Variants in NBEA observed in about 807,000 individuals in gnomAD.
NBEA encodes the protein lysosomal-trafficking regulator 2.
NBEA carries 44 observed loss-of-function variants against 343.4 expected under a neutral mutation model. The ratio of observed to expected loss-of-function variants is 0.13; its 90% CI spans 0.10 to 0.16. The LOEUF is 0.16. Among genes scored for constraint, NBEA ranks in the 10% least tolerant of loss-of-function variants. NBEA has a pLI of 1.00. For synonymous variants in NBEA, 1,175 were observed against 1,238.7 expected, an observed-to-expected ratio of 0.95 and a Z score of 1.08; for missense variants, 2,555 against 3,631.3, an observed-to-expected ratio of 0.70 and a Z score of 7.62.
intron 38 of NBEA, among the ~76,000 whole-genome samples, chr13:35,355,063 A>G (rs1190010591): frequency 2.0e-5 from 3 of 152,120 alleles, no homozygotes; most frequent in Non-Finnish European, 4.4e-5. Flanking sequence ...CTGTTTACAC[A>G]TCCCACATTG....
At chr13:35,587,867 C>T (rs2081356831) in intron 46 of NBEA, among the ~76,000 whole-genome samples, 1 of 152,180 alleles carries the variant, frequency 6.6e-6, no homozygotes, top group Non-Finnish European at 1.5e-5. Context: ...TTATCCTACA[C>T]ATGCCCTTGT....
intron 34 of NBEA, among the ~76,000 whole-genome samples, chr13:35,285,208 T>C (rs915212101): frequency 2.0e-5 from 3 of 152,162 alleles, no homozygotes; most frequent in Admixed American, 1.3e-4. Context: ...GGTGGATGGA[T>C]TGCTTGAGCT....
chr13:35,173,401 CTT>C, intron 26 of NBEA, 61 bp from the exon 27 acceptor site: 1 of 1,405,602 alleles, frequency 7.1e-7, no homozygotes, highest in Non-Finnish European at 9.5e-7. Context: ...AAACTTGCAA[CTT>C]TTTCCAGGAT....
chr13:35,371,214 T>C (rs2041412959), intron 38 of NBEA, among the ~76,000 whole-genome samples: 2 of 152,138 alleles, frequency 1.3e-5, no homozygotes, highest in African/African-American at 4.8e-5. Flanking sequence ...TTCTGTCTCT[T>C]TTGTTTTCCT....
At chr13:35,387,244 T>A (rs569525856) in intron 38 of NBEA, among the ~76,000 whole-genome samples, 14 of 152,246 alleles carry the variant, frequency 9.2e-5, no homozygotes, top group African/African-American at 3.4e-4. Context: ...ATTACAAAAT[T>A]ATAGATGTGC....
intron 39 of NBEA, among the ~76,000 whole-genome samples, chr13:35,444,823 A>G (rs532501114): frequency 7.2e-5 from 11 of 152,240 alleles, no homozygotes; most frequent in African/African-American, 2.2e-4. Context: ...GTACATGTCA[A>G]ATACATTGGT....
At chr13:34,952,787 C>CTT (rs149775269) in intron 1 of NBEA, among the ~76,000 whole-genome samples, 11,935 of 152,000 alleles carry the variant, frequency 0.079, 562 homozygotes, top group African/African-American at 0.11. Context: ...AGAAAAATAA[C>CTT]GCAGCAGATT....
At chr13:35,336,075 A>G (rs653114) in intron 36 of NBEA, among the ~76,000 whole-genome samples, 23,760 of 152,066 alleles carry the variant, frequency 0.16, 2,078 homozygotes, top group East Asian at 0.23. Flanking sequence ...GGAAATCTCT[A>G]TTCAATTATT....
chr13:35,627,365 C>G (rs941503435), intron 48 of NBEA, among the ~76,000 whole-genome samples: 1 of 152,168 alleles, frequency 6.6e-6, no homozygotes, highest in Non-Finnish European at 1.5e-5. Flanking sequence ...TTTCACGGAC[C>G]TGAGCAAGAC....
At chr13:35,041,507 C>G (rs1445492723) in intron 2 of NBEA, among the ~76,000 whole-genome samples, 1 of 151,864 alleles carries the variant, frequency 6.6e-6, no homozygotes, top group Non-Finnish European at 1.5e-5. Context: ...ATAGGTATTA[C>G]AGTTCTGTAT....
Position 35,124,998 on chromosome 13 carries a change from T to G in NBEA, c.2336+1424T>G, listed in dbSNP as rs540710796. Reference sequence around the variant, plus strand: ...GATTGTAGCCCAAGATGCAGCCTCCTAAAAATGTCAAGAAAGCACATTAAA... The same window carrying G: ...GATTGTAGCCCAAGATGCAGCCTCCGAAAAATGTCAAGAAAGCACATTAAA... On this transcript the variant is annotated intron_variant, in intron 17 of 58. Coordinates refer to ENST00000379939, the MANE Select transcript of NBEA (RefSeq NM_001385012.1). 7.2e-5 allele frequency among the ~76,000 whole-genome samples: 11 copies of G among 152,206 alleles called. No individual in the cohort carries two copies. The South Asian group carries it at 2.3e-3, about 32-fold the overall frequency.
rs554734202 is a variant in NBEA at position 35,024,395 on chromosome 13, G to A, written c.295-16538G>A. On this transcript the variant is annotated intron_variant, in intron 1 of 58. Transcript: ENST00000379939. ...TGGGTCAGAGGGTAATTTTGGGCCC[G>A]GCGTGGTGGCTCATGCCTGTAATCT... 7.6e-4 allele frequency among the ~76,000 whole-genome samples: 115 copies of A among 152,192 alleles called. 2 individuals carry two copies. The highest frequency in any genetic ancestry group is 6.8e-3 in the Middle Eastern group (2 of 294).
chr13:35,539,173 A>G (rs148342244), intron 41 of NBEA, among the ~76,000 whole-genome samples: 320 of 152,334 alleles, frequency 2.1e-3, no homozygotes, highest in Middle Eastern at 3.4e-3. Context: ...CAGTGAGTCA[A>G]TAGGTTAGTG....
At chr13:34,957,144 TC>T (rs1380132565) in intron 1 of NBEA, among the ~76,000 whole-genome samples, 2 of 152,184 alleles carry the variant, frequency 1.3e-5, no homozygotes, top group East Asian at 3.8e-4. Flanking sequence ...ATTCATTTTT[TC>T]CCTTGCATTT....
Position 35,368,983 on chromosome 13 carries a change from T to C in NBEA, c.6179+16660T>C, listed in dbSNP as rs145595464. Among the ~76,000 whole-genome samples the C allele has an allele frequency of 5.6e-4, 85 of 151,846 alleles. 1 individual carries two copies. Among genetic ancestry groups the C allele is most frequent in the African/African-American group, 1.9e-3 (80 of 41,530 alleles). ...CCAATTAACAAATACAACCAAACCA[T>C]CTAAGGCACACATCAGTGCTCCGAA... is the stretch of plus-strand genomic sequence containing the variant. On this transcript the variant is annotated intron_variant, in intron 38 of 58. Transcript: ENST00000379939.
intron 34 of NBEA, among the ~76,000 whole-genome samples, chr13:35,255,558 A>G (rs1053376602): frequency 6.6e-6 from 1 of 152,232 alleles, no homozygotes; most frequent in Non-Finnish European, 1.5e-5. Context: ...CGCTAGCTTC[A>G]TGCAGGCCTG....
intron 1 of NBEA, among the ~76,000 whole-genome samples, chr13:35,006,272 AATT>A (rs1277891664): frequency 6.6e-6 from 1 of 151,994 alleles, no homozygotes; most frequent in Admixed American, 6.6e-5. Flanking sequence ...AACCTTAAAA[AATT>A]ATTATTTTGC....
chr13:35,536,949 G>A (rs991084646), intron 41 of NBEA, among the ~76,000 whole-genome samples: 17 of 152,164 alleles, frequency 1.1e-4, no homozygotes, highest in African/African-American at 4.1e-4. Flanking sequence ...ACTGGCCAGG[G>A]GGTCAGTGTG....
intron 48 of NBEA, among the ~76,000 whole-genome samples, chr13:35,621,664 G>C (rs2082997631): frequency 6.6e-6 from 1 of 152,116 alleles, no homozygotes; most frequent in African/African-American, 2.4e-5. Flanking sequence ...ATCAATATTT[G>C]CTGAGTGAAT....
Sources: allele counts gnomAD v4.1 joint callset (sites outside exome capture counted in the v4.1 genomes callset), GRCh38; gene constraint gnomAD v4.1.1; transcripts MANE v1.5; gene names NCBI Gene and HGNC (gene_info 2026-07-23, HGNC 2026-07-21).